The following OTC variants were observed in gnomAD, a reference collection of about 807,000 sequenced individuals.
The protein encoded by OTC is ornithine transcarbamylase.
OTC carries 3 observed loss-of-function variants against 30.3 expected under a neutral mutation model. The observed-to-expected ratio is 0.10, with a 90% confidence interval of 0.05 to 0.26. The LOEUF (loss-of-function observed/expected upper bound fraction) is 0.26. OTC is among the 10% of genes least tolerant of loss of function. The pLI is 1.00. For synonymous variants in OTC, 111 were observed against 99.7 expected, an observed-to-expected ratio of 1.11 and a Z score of -0.67; for missense variants, 194 against 260.3, an observed-to-expected ratio of 0.75 and a Z score of 1.75.
At chrX:38,401,535 T>TAA (rs1247369155) in intron 5 of OTC, 107 bp downstream of exon 5, 15 of 629,924 alleles carry the variant, frequency 2.4e-5, no homozygotes, top group Non-Finnish European at 3.6e-5. Flanking sequence ...TATTTTCAAA[T>TAA]ACCAGCTTGA....
the OTC span, among the ~76,000 whole-genome samples, chrX:38,346,735 G>A: frequency 1.8e-5 from 2 of 112,210 alleles, no homozygotes; most frequent in East Asian, 5.6e-4. Context: ...GTCACATTCT[G>A]GAAGAGGCAA....
At chrX:38,369,942 G>T in intron 3 of OTC, 65 bp downstream of exon 3, 1 of 760,688 alleles carries the variant, frequency 1.3e-6, no homozygotes, top group South Asian at 2.3e-5. Context: ...ACTTTGGAGG[G>T]GTAACCCAGT....
chrX:38,332,041 C>T, the OTC span, among the ~76,000 whole-genome samples: 2 of 110,646 alleles, frequency 1.8e-5, no homozygotes, highest in Non-Finnish European at 3.8e-5. Context: ...AGCTCCACCC[C>T]CTGTCAGATC....
chrX:38,337,613 G>A, the OTC span, among the ~76,000 whole-genome samples: 4 of 111,863 alleles, frequency 3.6e-5, no homozygotes, highest in Non-Finnish European at 7.5e-5. Flanking sequence ...AGCGTTTGCC[G>A]TATTCACCGC....
the OTC span, among the ~76,000 whole-genome samples, chrX:38,346,383 C>T: frequency 3.6e-5 from 4 of 111,974 alleles, no homozygotes; most frequent in African/African-American, 6.5e-5. Flanking sequence ...TCTGCAAAAC[C>T]GCGTGACAGT....
At chrX:38,334,049 T>A in the OTC span, among the ~76,000 whole-genome samples, 1 of 112,060 alleles carries the variant, frequency 8.9e-6, no homozygotes, top group Non-Finnish European at 1.9e-5. Flanking sequence ...CTTTCCTTCC[T>A]CAGGGTAGAG....
At chrX:38,385,327 A>T (rs1275092961) in intron 4 of OTC, among the ~76,000 whole-genome samples, 1 of 112,448 alleles carries the variant, frequency 8.9e-6, no homozygotes, top group Non-Finnish European at 1.9e-5. Flanking sequence ...GTTAGAGTGG[A>T]AATTGCATTC....
At chrX:38,399,610 G>A (rs1254632598) in intron 4 of OTC, among the ~76,000 whole-genome samples, 1 of 110,604 alleles carries the variant, frequency 9.0e-6, no homozygotes, top group East Asian at 2.8e-4. Flanking sequence ...TTAGCTGGGT[G>A]TGGTGGCGAG....
chrX:38,354,649 T>C (rs1420952367), intron 1 of OTC, among the ~76,000 whole-genome samples: 4 of 111,287 alleles, frequency 3.6e-5, no homozygotes, highest in Non-Finnish European at 7.5e-5. Flanking sequence ...GGCACAAAAG[T>C]ATGGCTAAAT....
At chrX:38,344,760 TAGTC>T in the OTC span, among the ~76,000 whole-genome samples, 1 of 111,422 alleles carries the variant, frequency 9.0e-6, no homozygotes, top group Non-Finnish European at 1.9e-5. Flanking sequence ...GTGAAAAACA[TAGTC>T]AGGAGACTGA....
the OTC span, among the ~76,000 whole-genome samples, chrX:38,340,459 GTTTTTTTTTTTTTGTTTTTTTT>G: frequency 1.7e-5 from 1 of 60,540 alleles, no homozygotes; most frequent in Non-Finnish European, 3.0e-5. Flanking sequence ...TTGTTTTTTT[GTTTTTTTTTTTTTGTTTTTTTT>G]TTTTTTTGCA....
chrX:38,375,635 A>G (rs2068343428), intron 3 of OTC, among the ~76,000 whole-genome samples: 1 of 111,664 alleles, frequency 9.0e-6, no homozygotes, highest in Non-Finnish European at 1.9e-5. Flanking sequence ...AAGGCTGGTG[A>G]TGGAACAAAT....
chrX:38,393,743 C>T (rs2068440620), intron 4 of OTC, among the ~76,000 whole-genome samples: 2 of 112,305 alleles, frequency 1.8e-5, no homozygotes, highest in Admixed American at 9.5e-5. Flanking sequence ...GCTGCTTTAA[C>T]AAATTACCAC....
the OTC span, among the ~76,000 whole-genome samples, chrX:38,332,531 T>TATATATATATATATAC: frequency 1.1e-5 from 1 of 90,855 alleles, no homozygotes; most frequent in Non-Finnish European, 2.1e-5. Context: ...TATATATATA[T>TATATATATATATATAC]ATCATATAAC....
At chrX:38,344,915 G>T in the OTC span, among the ~76,000 whole-genome samples, 217 of 109,692 alleles carry the variant, frequency 2.0e-3, no homozygotes, top group African/African-American at 7.0e-3. Context: ...AAAAGAAGAA[G>T]AATAGGGGTC....
chrX:38,373,048 A>G (rs1362982739), intron 3 of OTC, among the ~76,000 whole-genome samples: 2 of 112,217 alleles, frequency 1.8e-5, no homozygotes, highest in East Asian at 5.6e-4. Context: ...TGTTTATTAA[A>G]GTGTAACACA....
intron 1 of OTC, among the ~76,000 whole-genome samples, chrX:38,355,130 G>A (rs372937906): frequency 2.7e-4 from 30 of 111,745 alleles, no homozygotes; most frequent in South Asian, 1.1e-3. Flanking sequence ...TGAAGTGAGC[G>A]GTCATATCGC....
At chrX:38,349,445 T>C (rs1273621860), upstream of OTC, among the ~76,000 whole-genome samples, 4 of 112,635 alleles carry the variant, frequency 3.6e-5, no homozygotes, top group Non-Finnish European at 5.6e-5. Context: ...TCCTCATGAA[T>C]AGATTAATGT....
chrX:38,408,858 C>A lies in OTC; in HGVS notation c.718-18C>A, dbSNP rs55903043. On this transcript the variant is annotated intron_variant, in intron 7 of 9. Transcript: ENST00000039007. Reference sequence around the variant, plus strand: ...CTGTCCCATGAAGTTATTTAACCAGCGTGTTTATGTATGCTAGAATGGTAC... The same window carrying A: ...CTGTCCCATGAAGTTATTTAACCAGAGTGTTTATGTATGCTAGAATGGTAC... The A allele has an allele frequency of 4.1e-6, 5 of 1,208,045 alleles. No homozygotes were observed. The highest frequency in any genetic ancestry group is 1.8e-5 in the South Asian group (1 of 56,709).
Sources: gnomAD v4.1 joint callset for allele counts (sites outside exome capture counted in the v4.1 genomes callset) on GRCh38, gnomAD v4.1.1 for gene constraint, MANE v1.5 for transcripts, NCBI Gene and HGNC (gene_info 2026-07-23, HGNC 2026-07-21) for gene names.